SCHIP1: variants seen among roughly 807,000 people sequenced by gnomAD.
The protein encoded by SCHIP1 is schwannomin interacting protein 1.
In SCHIP1, 8 loss-of-function variants were observed where a neutral mutation model predicts 29.7. The ratio of observed to expected loss-of-function variants is 0.27; its 90% CI spans 0.16 to 0.49. The LOEUF is 0.49. Among genes scored for constraint, SCHIP1 ranks in the 20% least tolerant of loss-of-function variants. The pLI, the probability that SCHIP1 is intolerant of heterozygous loss-of-function variation, is 0.99. For synonymous variants in SCHIP1, 76 were observed against 94.9 expected, an observed-to-expected ratio of 0.80 and a Z score of 1.16; for missense variants, 193 against 294.6, an observed-to-expected ratio of 0.66 and a Z score of 2.52.
At chr3:159,717,924 CA>C in the SCHIP1 span, among the ~76,000 whole-genome samples, 1 of 152,044 alleles carries the variant, frequency 6.6e-6, no homozygotes, top group South Asian at 2.1e-4. Flanking sequence ...AGAGACACAA[CA>C]AAAAAAGAGA....
the SCHIP1 span, among the ~76,000 whole-genome samples, chr3:159,818,548 G>A: frequency 3.9e-5 from 6 of 152,212 alleles, no homozygotes; most frequent in African/African-American, 7.2e-5. Flanking sequence ...CCACCTGCCC[G>A]CAGCAGAGCC....
At chr3:159,319,396 AAG>A in the SCHIP1 span, among the ~76,000 whole-genome samples, 3 of 152,222 alleles carry the variant, frequency 2.0e-5, no homozygotes, top group African/African-American at 7.2e-5. Flanking sequence ...TTGTTTTGAA[AAG>A]AGAGAGCTCA....
the SCHIP1 span, among the ~76,000 whole-genome samples, chr3:159,613,397 C>A: frequency 6.6e-6 from 1 of 152,068 alleles, no homozygotes; most frequent in Non-Finnish European, 1.5e-5. Flanking sequence ...AACAATCAAC[C>A]AATGTAAAAT....
the SCHIP1 span, among the ~76,000 whole-genome samples, chr3:159,716,583 A>T: frequency 1.3e-5 from 2 of 151,346 alleles, no homozygotes; most frequent in African/African-American, 4.8e-5. Flanking sequence ...AAAACAAAGA[A>T]AGCAAGGAGT....
chr3:159,781,768 G>A, the SCHIP1 span, among the ~76,000 whole-genome samples: 1 of 152,144 alleles, frequency 6.6e-6, no homozygotes, highest in African/African-American at 2.4e-5. Flanking sequence ...GGTGCAAGAA[G>A]TGGACAGACA....
chr3:159,346,178 A>G, the SCHIP1 span, among the ~76,000 whole-genome samples: 1 of 149,118 alleles, frequency 6.7e-6, no homozygotes, highest in African/African-American at 2.5e-5. Context: ...AGAGAATGAG[A>G]CTCTGTCTCA....
chr3:159,828,641 C>A, the SCHIP1 span, among the ~76,000 whole-genome samples: 1 of 151,656 alleles, frequency 6.6e-6, no homozygotes, highest in Admixed American at 6.6e-5. Flanking sequence ...CTAGAGGGCA[C>A]CTTTCTTCAA....
At chr3:159,805,440 G>A in the SCHIP1 span, among the ~76,000 whole-genome samples, 1 of 152,184 alleles carries the variant, frequency 6.6e-6, no homozygotes, top group Non-Finnish European at 1.5e-5. Flanking sequence ...GAGGTTGTAA[G>A]CAAATTAAAA....
the SCHIP1 span, chr3:159,721,957 T>A: frequency 7.6e-6 from 3 of 393,656 alleles, 1 homozygote; most frequent in South Asian, 6.2e-5. Context: ...CAGTCCTCTG[T>A]GTTCTTCAGC....
chr3:159,320,380 G>A, the SCHIP1 span, among the ~76,000 whole-genome samples: 5 of 152,212 alleles, frequency 3.3e-5, no homozygotes, highest in Admixed American at 3.3e-4. Flanking sequence ...GACCATGGAG[G>A]CACCCTGATC....
At chr3:159,797,899 A>C in the SCHIP1 span, among the ~76,000 whole-genome samples, 1 of 152,244 alleles carries the variant, frequency 6.6e-6, no homozygotes, top group Non-Finnish European at 1.5e-5. Context: ...GAAAGCAGGA[A>C]GAGGCAGCAG....
chr3:159,674,249 A>G, the SCHIP1 span, among the ~76,000 whole-genome samples: 1 of 152,194 alleles, frequency 6.6e-6, no homozygotes, highest in African/African-American at 2.4e-5. Context: ...TGTGACATTA[A>G]TTAAGCACAA....
At chr3:159,553,612 T>C in the SCHIP1 span, among the ~76,000 whole-genome samples, 3 of 152,208 alleles carry the variant, frequency 2.0e-5, no homozygotes, top group Non-Finnish European at 4.4e-5. Context: ...ATTTTATATA[T>C]ATTTATCTCA....
the SCHIP1 span, among the ~76,000 whole-genome samples, chr3:159,299,581 T>C: frequency 6.6e-6 from 1 of 151,994 alleles, no homozygotes; most frequent in Non-Finnish European, 1.5e-5. Flanking sequence ...AAAAGAAAAA[T>C]GTGTGTTCCT....
the SCHIP1 span, among the ~76,000 whole-genome samples, chr3:159,602,848 T>C: frequency 6.6e-6 from 1 of 152,158 alleles, no homozygotes; most frequent in African/African-American, 2.4e-5. Flanking sequence ...TGTGACCAAA[T>C]GTGTGGGGTA....
chr3:159,441,184 CACAT>C, the SCHIP1 span, among the ~76,000 whole-genome samples: 6 of 152,150 alleles, frequency 3.9e-5, no homozygotes, highest in Admixed American at 3.9e-4. Context: ...CATACACACA[CACAT>C]ATTTACATTC....
At chr3:159,640,005 C>CT in the SCHIP1 span, among the ~76,000 whole-genome samples, 3 of 152,040 alleles carry the variant, frequency 2.0e-5, no homozygotes, top group East Asian at 3.8e-4. Context: ...TGATTTGTAT[C>CT]TTTTTTTCCC....
chr3:159,526,518 A>G, the SCHIP1 span, among the ~76,000 whole-genome samples: 1 of 152,158 alleles, frequency 6.6e-6, no homozygotes, highest in African/African-American at 2.4e-5. Flanking sequence ...TTGAGTGGGT[A>G]GCATAAATCA....
the SCHIP1 span, among the ~76,000 whole-genome samples, chr3:159,394,606 C>T: frequency 1.3e-5 from 2 of 151,928 alleles, no homozygotes; most frequent in Admixed American, 1.3e-4. Flanking sequence ...TGTTTATATG[C>T]TGGATTACAT....
Sources: allele counts gnomAD v4.1 joint callset (sites outside exome capture counted in the v4.1 genomes callset), GRCh38; gene constraint gnomAD v4.1.1; transcripts MANE v1.5; gene names NCBI Gene and HGNC (gene_info 2026-07-23, HGNC 2026-07-21).